Variants in WHAMM observed in about 807,000 individuals in gnomAD.
WHAMM encodes WASP homolog associated with actin, golgi membranes and microtubules.
WHAMM carries 67 observed loss-of-function variants against 76.5 expected under a neutral mutation model. The ratio of observed to expected loss-of-function variants is 0.88; its 90% CI spans 0.72 to 1.07. The LOEUF (loss-of-function observed/expected upper bound fraction) is 1.07, where lower values mean the gene tolerates loss of function less well. Among genes scored for constraint, WHAMM ranks in the 50% least tolerant of loss-of-function variants. The pLI, the probability that WHAMM is intolerant of heterozygous loss-of-function variation, is 0.00. For missense variants in WHAMM, 1,021 were observed against 1,051.1 expected, an observed-to-expected ratio of 0.97 and a Z score of 0.40; for synonymous variants, 419 against 422.1, an observed-to-expected ratio of 0.99 and a Z score of 0.09.
chr15:82,825,535 A>G (rs1020745277), intron 6 of WHAMM, among the ~76,000 whole-genome samples: 5 of 152,206 alleles, frequency 3.3e-5, no homozygotes, highest in Admixed American at 6.5e-5. Context: ...GAGGTGAGCT[A>G]TCAACTTGGG....
At chr15:82,826,688 T>C (rs2050940611) in intron 7 of WHAMM, 63 bp from the exon 8 acceptor site, 2 of 1,529,990 alleles carry the variant, frequency 1.3e-6, no homozygotes, top group East Asian at 2.4e-5. Context: ...ACATTTTTAT[T>C]GTATGCCAAG....
chr15:82,814,894 C>G (rs1216068782), intron 2 of WHAMM, among the ~76,000 whole-genome samples: 1 of 149,490 alleles, frequency 6.7e-6, no homozygotes, highest in Non-Finnish European at 1.5e-5. Flanking sequence ...CTAAGCCTCC[C>G]GAGTAGCTGG....
At chr15:82,819,526 T>A (rs760650850) in intron 5 of WHAMM, 38 bp downstream of exon 5, 31 of 1,046,758 alleles carry the variant, frequency 3.0e-5, no homozygotes, top group Non-Finnish European at 3.7e-5. Context: ...GTTTAAATTA[T>A]AAATTTAAGG....
chr15:82,833,603 G>T lies in WHAMM; in HGVS notation c.*67G>T. 1 of 1,525,508 alleles carries T rather than the reference G, an allele frequency of 6.6e-7. No individual in the cohort carries two copies. The highest frequency in any genetic ancestry group is 1.2e-5 in the South Asian group (1 of 81,618). 94.5% of individuals were successfully genotyped at this position (1,525,508 alleles called of 1,614,324 possible). ...AAAGTGGGTGAGTCTTAGACCTATC[G>T]AAAAGCATACTAACAGGGTGCTGAT... is the stretch of plus-strand genomic sequence containing the variant. On this transcript the variant is annotated 3_prime_UTR_variant, in exon 10 of 10. Coordinates refer to ENST00000286760, the MANE Select transcript of WHAMM (RefSeq NM_001080435.3).
In WHAMM at chr15:82,818,617, AAG is replaced by A. The variant is rs1453382340; in HGVS notation, c.1104+532_1104+533del. Among the ~76,000 whole-genome samples the A allele has an allele frequency of 3.3e-5, 5 of 152,338 alleles. No homozygotes were observed. The East Asian group carries it at 9.7e-4, about 29-fold the overall frequency. On this transcript the variant is annotated intron_variant, in intron 4 of 9. Transcript: ENST00000286760. ...TTTCACTACAACTTTAAAATAATCA[AAG>A]AGATACTTCACTGCATAGTCACTTA...
At chr15:82,814,792 C>G (rs1190638942) in intron 2 of WHAMM, among the ~76,000 whole-genome samples, 3 of 78,958 alleles carry the variant, frequency 3.8e-5, no homozygotes, top group East Asian at 4.9e-4. Flanking sequence ...TTTTTTGAGA[C>G]AGAGTCTCGC....
At chr15:82,823,566 C>T (rs1349582345) in intron 6 of WHAMM, among the ~76,000 whole-genome samples, 5 of 150,890 alleles carry the variant, frequency 3.3e-5, no homozygotes, top group African/African-American at 1.2e-4. Flanking sequence ...CACACAGGCA[C>T]TTTATTTTTA....
Position 82,830,794 on chromosome 15 carries a change from C to T in WHAMM, c.1837C>T (p.His613Tyr), listed in dbSNP as rs751067153. ...GAAAAGCCCCAAGTGTCAAAACTGT[C>T]ATGGAAATATCCCTGTCCAGGTTTT... ...NVKSPKCQNCHGNIPVQVFVP... is the reference protein window; with the variant it reads ...NVKSPKCQNCYGNIPVQVFVP... Residue 613 changes from histidine to tyrosine, a missense_variant, in exon 9 of 10, where the codon CAT (histidine) becomes TAT (tyrosine). Physicochemically the swap from His to Tyr is moderately conservative, Grantham distance 83. Coordinates refer to ENST00000286760, the MANE Select transcript of WHAMM (RefSeq NM_001080435.3). 5.6e-6 allele frequency: 9 copies of T among 1,613,320 alleles called. No homozygotes were observed. Among genetic ancestry groups the T allele is most frequent in the South Asian group, 2.2e-5 (2 of 90,986 alleles).
At chr15:82,824,282 C>G in intron 6 of WHAMM, among the ~76,000 whole-genome samples, 1 of 150,774 alleles carries the variant, frequency 6.6e-6, no homozygotes, top group East Asian at 1.9e-4. Context: ...CTCAGCCTCC[C>G]GTGTAGCTGG....
intron 6 of WHAMM, 96 bp from the exon 7 acceptor site, chr15:82,826,314 A>G: frequency 1.5e-6 from 2 of 1,301,230 alleles, no homozygotes; most frequent in Middle Eastern, 1.9e-4. Context: ...AATGCCTTAC[A>G]CTATAGCCCA....
rs2151569906 is a variant in WHAMM, at chr15:82,826,508, C to T, written c.1545+12C>T. 6.2e-7 allele frequency: 1 copy of T among 1,611,516 alleles called. No individual in the cohort carries two copies. The highest frequency in any genetic ancestry group is 2.2e-5 in the East Asian group (1 of 44,868). On this transcript the variant is annotated intron_variant, in intron 7 of 9. Coordinates refer to ENST00000286760, the MANE Select transcript of WHAMM (RefSeq NM_001080435.3). ...ACAGTATTCAGATGGTGAGTCTCCT[C>T]CGAAGGAAAATGTTCTATGTTTGTG...
Position 82,809,639 on chromosome 15 carries a change from T to A in WHAMM, c.-88T>A. On this transcript the variant is annotated 5_prime_UTR_variant, in exon 1 of 10. The change abolishes an upstream ATG in the 5' untranslated region. Transcript: ENST00000286760. ...ACGCGGTTTCGATTCTAGCGAAAAA[T>A]GATTTGGCTCGGACTGTCCCGTGAC... The A allele has an allele frequency of 8.7e-7, 1 of 1,146,636 alleles. No homozygotes were observed. The highest frequency in any genetic ancestry group is 3.2e-5 in the East Asian group (1 of 31,358). 71.0% of individuals were successfully genotyped at this position (1,146,636 alleles called of 1,614,324 possible).
chr15:82,816,688 G>A lies in WHAMM; in HGVS notation c.784-4G>A. 2 of 1,546,158 alleles carry A rather than the reference G, an allele frequency of 1.3e-6. No individual in the cohort carries two copies. Among genetic ancestry groups the A allele is most frequent in the Non-Finnish European group, 1.7e-6 (2 of 1,145,936 alleles). On this transcript the variant is annotated splice_region_variant and splice_polypyrimidine_tract_variant and intron_variant, in intron 2 of 9. Transcript: ENST00000286760. ...ACTAAGAAAATTTTCCCTTCTGTCT[G>A]TAGAAGTCTTTGGATGAGGATGACC...
Position 82,813,217 on chromosome 15 carries a change from T to C in WHAMM, c.724T>C (p.Leu242=). The C allele has an allele frequency of 6.2e-7, 1 of 1,611,910 alleles. No individual in the cohort carries two copies. Among genetic ancestry groups the C allele is most frequent in the Non-Finnish European group, 8.5e-7 (1 of 1,179,230 alleles). Residue 242 remains leucine, a synonymous_variant, in exon 2 of 10, where the codon TTA becomes CTA. Transcript: ENST00000286760. ...VTVATMFFQY[L]LQPFRAMREV... ...CGTGGCAACCATGTTCTTCCAGTAC[T>C]TATTGCAGCCATTTAGGGCTATGCG... is the stretch of plus-strand genomic sequence containing the variant.
chr15:82,833,527 G>T lies in WHAMM; in HGVS notation c.2421G>T (p.Trp807Cys). ...GTGATGAGCAGGACCCTGGCCAGTG[G>T]GATGGTTAGGCTCAAGTTTGACAAA... ...EDSDEQDPGQ[W>C]DG The change falls in exon 10 of 10, where the codon TGG becomes TGT. Residue 807 changes from tryptophan (W) to cysteine (C), a missense_variant. Physicochemically the swap from Trp to Cys is radical, Grantham distance 215. Coordinates refer to ENST00000286760, the MANE Select transcript of WHAMM (RefSeq NM_001080435.3). The T allele has an allele frequency of 6.2e-7, 1 of 1,613,100 alleles. No individual in the cohort carries two copies. The highest frequency in any genetic ancestry group is 8.5e-7 in the Non-Finnish European group (1 of 1,179,514).
intron 2 of WHAMM, among the ~76,000 whole-genome samples, chr15:82,816,458 G>A (rs1304471609): frequency 6.6e-6 from 1 of 152,126 alleles, no homozygotes; most frequent in East Asian, 1.9e-4. Flanking sequence ...GGCATGTGAA[G>A]TGAAAGTGGG....
chr15:82,819,352 T>G lies in WHAMM; in HGVS notation c.1134T>G (p.Asn378Lys). The change falls in exon 5 of 10, where the codon AAT (asparagine) becomes AAG (lysine). Residue 378 changes from asparagine (N) to lysine (K), a missense_variant. By Grantham distance (94) the Asn-to-Lys change is moderately conservative. Transcript: ENST00000286760. ...AAGATCTTCCAGAACAAGAAAAAAATACAAATGTTGTAGATGAATTAGAAA... is the reference window on the plus strand; with the variant it reads ...AAGATCTTCCAGAACAAGAAAAAAAGACAAATGTTGTAGATGAATTAGAAA... ...KMEDLPEQEK[N>K]TNVVDELEIQ... 8.8e-7 allele frequency: 1 copy of G among 1,138,506 alleles called. No individual in the cohort carries two copies. The highest frequency in any genetic ancestry group is 1.2e-6 in the Non-Finnish European group (1 of 842,330). The allele number at this position is 1,138,506 out of a possible 1,614,324, so 70.5% of individuals were successfully genotyped here.
chr15:82,825,330 G>A (rs2050912631), intron 6 of WHAMM, among the ~76,000 whole-genome samples: 1 of 152,086 alleles, frequency 6.6e-6, no homozygotes, highest in Non-Finnish European at 1.5e-5. Context: ...TGGATGAACA[G>A]ATGCCTCCAC....
In WHAMM at chr15:82,830,656, C is replaced by T; in HGVS notation, c.1699C>T (p.Leu567=). 6.2e-7 allele frequency: 1 copy of T among 1,613,956 alleles called. No individual in the cohort carries two copies. The highest frequency in any genetic ancestry group is 1.1e-5 in the South Asian group (1 of 91,084). Residue 567 remains leucine, a synonymous_variant, in exon 9 of 10, where the codon CTG becomes TTG. Transcript: ENST00000286760. ...TGGCTCAGAACCTGTGGCTCCAAAC[C>T]TGCCAAGTGATCTTTCCCAGCAGAT... ...TSGSEPVAPN[L]PSDLSQQMCL... is the part of the protein sequence containing the mutation.
Sources: allele counts gnomAD v4.1 joint callset (sites outside exome capture counted in the v4.1 genomes callset), GRCh38; gene constraint gnomAD v4.1.1; transcripts MANE v1.5; gene names NCBI Gene and HGNC (gene_info 2026-07-23, HGNC 2026-07-21).